Variants in SOX6 observed in about 807,000 individuals in gnomAD.
SOX6 encodes the protein SRY-box transcription factor 6.
SOX6 carries 11 observed loss-of-function variants against 97.8 expected under a neutral mutation model. The ratio of observed to expected loss-of-function variants is 0.11; its 90% CI spans 0.07 to 0.19. The LOEUF is 0.19. SOX6 is among the 10% of genes least tolerant of loss of function. SOX6 has a pLI of 1.00. For synonymous variants in SOX6, 360 were observed against 371.4 expected (o/e 0.97, Z 0.35); for missense variants, 810 against 1,039.5 (o/e 0.78, Z 3.04).
chr11:16,273,812 A>G (rs1215662862), intron 3 of SOX6, among the ~76,000 whole-genome samples: 1 of 152,054 alleles, frequency 6.6e-6, no homozygotes, highest in African/African-American at 2.4e-5. Flanking sequence ...CTTGTTCTTA[A>G]CAATGAAATT....
At chr11:16,567,876 TA>T (rs1452845808) in intron 4 of SOX6, among the ~76,000 whole-genome samples, 1 of 147,008 alleles carries the variant, frequency 6.8e-6, no homozygotes, top group African/African-American at 2.5e-5. Flanking sequence ...CACCTGGCCA[TA>T]TTTTTTTTTT....
At chr11:16,228,518 G>C (rs941673573) in intron 4 of SOX6, among the ~76,000 whole-genome samples, 1 of 151,796 alleles carries the variant, frequency 6.6e-6, no homozygotes, top group Non-Finnish European at 1.5e-5. Flanking sequence ...AGAGAGAGAG[G>C]AATAGGGAGA....
chr11:16,489,392 A>G (rs2076435808), intron 4 of SOX6, among the ~76,000 whole-genome samples: 1 of 152,148 alleles, frequency 6.6e-6, no homozygotes, highest in Non-Finnish European at 1.5e-5. Context: ...AGTTTAAAAT[A>G]CAGCCCACTC....
chr11:16,639,104 A>T (rs1366674638), intron 3 of SOX6, among the ~76,000 whole-genome samples: 1 of 152,184 alleles, frequency 6.6e-6, no homozygotes, highest in Non-Finnish European at 1.5e-5. Flanking sequence ...AGGTGTAAGG[A>T]AGGGATCCAG....
intron 9 of SOX6, among the ~76,000 whole-genome samples, chr11:16,065,030 G>A (rs1470072584): frequency 6.6e-6 from 1 of 151,678 alleles, no homozygotes; most frequent in Non-Finnish European, 1.5e-5. Context: ...AATCAGACAA[G>A]AGAAAAAAAC....
intron 1 of SOX6, among the ~76,000 whole-genome samples, chr11:16,389,969 T>TAAAAAACAAAAAAAA (rs1858116987): frequency 2.4e-5 from 1 of 41,856 alleles, no homozygotes; most frequent in Non-Finnish European, 4.1e-5. Context: ...GACTCCGTCT[T>TAAAAAACAAAAAAAA]AAAAAAAAAA....
At chr11:16,541,467 C>A (rs898025272) in intron 4 of SOX6, among the ~76,000 whole-genome samples, 1 of 152,112 alleles carries the variant, frequency 6.6e-6, no homozygotes, top group Admixed American at 6.5e-5. Flanking sequence ...CCAAAATAGA[C>A]AAATGGATCT....
At position 16,605,706 on chromosome 11, in the gene SOX6, G is replaced by A. The variant is rs538069800; in HGVS notation, n.609+6375C>T. Reference sequence around the variant, plus strand: ...TCAACCAGTGTCAACCCCACAAACAGCCTAAGTTTCCAAACCGAAATGGGG... The same window carrying A: ...TCAACCAGTGTCAACCCCACAAACAACCTAAGTTTCCAAACCGAAATGGGG... On this transcript the variant is annotated intron_variant and non_coding_transcript_variant, in intron 4 of 5. Transcript: ENST00000524520. The surrounding 1 kb of genome is among the most constrained non-coding windows in gnomAD (Gnocchi z 5.3). Among the ~76,000 whole-genome samples the A allele has an allele frequency of 6.6e-6, 1 of 152,072 alleles. No individual in the cohort carries two copies. The highest frequency in any genetic ancestry group is 1.9e-4 in the East Asian group (1 of 5,136).
At chr11:16,058,086 A>G (rs954307385) in intron 9 of SOX6, among the ~76,000 whole-genome samples, 1 of 151,996 alleles carries the variant, frequency 6.6e-6, no homozygotes, top group Admixed American at 6.6e-5. Flanking sequence ...TTCATATTTG[A>G]TAAATATTAG....
chr11:16,215,441 C>G (rs1409371865), intron 4 of SOX6, among the ~76,000 whole-genome samples: 2 of 152,260 alleles, frequency 1.3e-5, no homozygotes, highest in East Asian at 3.9e-4. Flanking sequence ...TTGCAGTAAA[C>G]ACAGAAATAC....
At chr11:16,522,926 G>A (rs1251065866) in intron 4 of SOX6, among the ~76,000 whole-genome samples, 1 of 152,164 alleles carries the variant, frequency 6.6e-6, no homozygotes, top group Non-Finnish European at 1.5e-5. Context: ...AACAAGAAGA[G>A]CTAACTATCC....
At chr11:16,635,689 G>A (rs970063283) in intron 3 of SOX6, among the ~76,000 whole-genome samples, 2 of 152,138 alleles carry the variant, frequency 1.3e-5, no homozygotes, top group Non-Finnish European at 2.9e-5. Flanking sequence ...TCCCATCACA[G>A]GCCCAGAAGC....
intron 12 of SOX6, among the ~76,000 whole-genome samples, chr11:16,022,910 T>C (rs1213054667): frequency 6.6e-6 from 1 of 152,154 alleles, no homozygotes; most frequent in Non-Finnish European, 1.5e-5. Flanking sequence ...CCTCATCAGC[T>C]TCATATCCTA....
At chr11:16,244,770 G>C (rs1853287767) in intron 3 of SOX6, among the ~76,000 whole-genome samples, 1 of 151,618 alleles carries the variant, frequency 6.6e-6, no homozygotes, top group African/African-American at 2.4e-5. Flanking sequence ...GTGTGTGTTT[G>C]TGTGTGTGTT....
At chr11:16,263,049 A>C (rs1853951743) in intron 3 of SOX6, among the ~76,000 whole-genome samples, 1 of 151,938 alleles carries the variant, frequency 6.6e-6, no homozygotes, top group African/African-American at 2.4e-5. Context: ...TTGTCACTGT[A>C]AGATGTTCTC....
upstream of SOX6, among the ~76,000 whole-genome samples, chr11:16,478,456 C>A (rs186796274): frequency 5.2e-4 from 79 of 152,276 alleles, no homozygotes; most frequent in African/African-American, 1.7e-3. Context: ...AGATTCCAGA[C>A]ATTTAGAACA....
At chr11:16,478,498 C>T (rs558443163), upstream of SOX6, among the ~76,000 whole-genome samples, 1 of 152,270 alleles carries the variant, frequency 6.6e-6, no homozygotes, top group African/African-American at 2.4e-5. Flanking sequence ...AATACAAAGT[C>T]AATAAATCTT....
intron 3 of SOX6, among the ~76,000 whole-genome samples, chr11:16,674,819 T>C (rs907392862): frequency 2.6e-5 from 4 of 152,090 alleles, no homozygotes; most frequent in Middle Eastern, 3.2e-3. Context: ...GGCGTGGTGG[T>C]ACACACCTGT....
intron 9 of SOX6, among the ~76,000 whole-genome samples, chr11:16,081,194 T>C (rs1278355553): frequency 6.6e-6 from 1 of 152,162 alleles, no homozygotes; most frequent in East Asian, 1.9e-4. Context: ...TATTTAGTAA[T>C]ATCTCTCCTT....
Sources: allele counts gnomAD v4.1 joint callset (sites outside exome capture counted in the v4.1 genomes callset), GRCh38; gene constraint gnomAD v4.1.1; non-coding constraint Gnocchi (gnomAD v3.1); transcripts MANE v1.5; gene names NCBI Gene and HGNC (gene_info 2026-07-23, HGNC 2026-07-21).